Variants in TERF2 observed in about 807,000 individuals in gnomAD.
TERF2 encodes the protein telomeric repeat binding factor 2, also known as telomeric repeat-binding factor 2.
TERF2 carries 16 observed loss-of-function variants against 56.1 expected under a neutral mutation model. That is an observed-to-expected ratio of 0.29 (90% CI 0.19 to 0.43). The LOEUF (loss-of-function observed/expected upper bound fraction) is 0.43, where lower values mean the gene tolerates loss of function less well. Ranked by LOEUF, TERF2 falls within the 20% of genes least tolerant of loss-of-function variation. The pLI, the probability that TERF2 is intolerant of heterozygous loss-of-function variation, is 1.00. For missense variants in TERF2, 547 were observed against 712.9 expected (o/e 0.77, Z 2.65); for synonymous variants, 296 against 282.1 (o/e 1.05, Z -0.50).
At chr16:69,357,316 T>C (rs1426775326) in intron 9 of TERF2, among the ~76,000 whole-genome samples, 2 of 152,238 alleles carry the variant, frequency 1.3e-5, no homozygotes, top group African/African-American at 4.8e-5. Flanking sequence ...ACATCATTCA[T>C]GTTCCGGAAA....
chr16:69,366,910 T>C lies in TERF2; in HGVS notation c.1237A>G (p.Thr413Ala), dbSNP rs777112431. Reference protein sequence around the residue: ...RLVLEEDSQSTEPSAGLNSSQ... With the variant: ...RLVLEEDSQSAEPSAGLNSSQ... ...GAGTTGAGGCCTGCGCTGGGCTCAG[T>C]ACTCTGGCTGTCCTCCTCCAAGACC... The change falls in exon 7 of 10, where the codon ACT becomes GCT. Residue 413 changes from threonine (T) to alanine (A), a missense_variant. Physicochemically the swap from Thr to Ala is moderately conservative, Grantham distance 58. Transcript: ENST00000254942. The C allele has an allele frequency of 3.7e-6, 6 of 1,614,106 alleles. No individual in the cohort carries two copies. Among genetic ancestry groups the C allele is most frequent in the Non-Finnish European group, 3.4e-6 (4 of 1,180,044 alleles).
At chr16:69,385,241 G>A in intron 2 of TERF2, 150 bp downstream of exon 2, 1 of 656,396 alleles carries the variant, frequency 1.5e-6, no homozygotes. Context: ...AGAGCCAGTC[G>A]AGCCAGAAAA....
chr16:69,362,133 G>A (rs917801194), intron 7 of TERF2, among the ~76,000 whole-genome samples: 2 of 151,586 alleles, frequency 1.3e-5, no homozygotes, highest in African/African-American at 4.9e-5. Context: ...CTAACCAACC[G>A]CCCCACGATG....
chr16:69,384,177 G>A (rs560705521), intron 3 of TERF2, among the ~76,000 whole-genome samples: 1 of 152,258 alleles, frequency 6.6e-6, no homozygotes, highest in South Asian at 2.1e-4. Flanking sequence ...CCCTCTTTCT[G>A]CAGACAGAAA....
chr16:69,379,581 T>C (rs1385422899), intron 3 of TERF2, among the ~76,000 whole-genome samples: 1 of 152,230 alleles, frequency 6.6e-6, no homozygotes, highest in African/African-American at 2.4e-5. Context: ...TCAGGATTCT[T>C]TTATATTCTT....
chr16:69,373,184 G>A (rs559707250), intron 3 of TERF2, among the ~76,000 whole-genome samples: 1 of 152,120 alleles, frequency 6.6e-6, no homozygotes, highest in Non-Finnish European at 1.5e-5. Context: ...ATAAACCCCA[G>A]CTGGCAACTT....
chr16:69,381,296 G>A (rs1295979474), intron 3 of TERF2, among the ~76,000 whole-genome samples: 1 of 152,064 alleles, frequency 6.6e-6, no homozygotes, highest in East Asian at 1.9e-4. Context: ...TCATTCTCAA[G>A]AAAATGACTG....
At chr16:69,358,935 G>A (rs566139607) in intron 8 of TERF2, among the ~76,000 whole-genome samples, 9 of 152,074 alleles carry the variant, frequency 5.9e-5, no homozygotes, top group Admixed American at 1.3e-4. Context: ...CTATTTTTCC[G>A]CTACAAACCT....
chr16:69,366,737 C>G, intron 7 of TERF2, 70 bp downstream of exon 7: 1 of 1,511,734 alleles, frequency 6.6e-7, no homozygotes. Flanking sequence ...ACTTCATTCA[C>G]GGAAGTAATA....
intron 5 of TERF2, among the ~76,000 whole-genome samples, chr16:69,369,234 A>G (rs1346507036): frequency 6.7e-6 from 1 of 149,430 alleles, no homozygotes; most frequent in Non-Finnish European, 1.5e-5. Context: ...CCTGCTTATA[A>G]ATAATCTGAG....
At chr16:69,359,983 C>T (rs1241721582) in intron 8 of TERF2, among the ~76,000 whole-genome samples, 1 of 151,452 alleles carries the variant, frequency 6.6e-6, no homozygotes, top group African/African-American at 2.4e-5. Context: ...AGCTGGTCTC[C>T]AACCCCTGAG....
At chr16:69,375,001 CT>C (rs1011752345) in intron 3 of TERF2, among the ~76,000 whole-genome samples, 5 of 151,380 alleles carry the variant, frequency 3.3e-5, no homozygotes, top group African/African-American at 4.9e-5. Flanking sequence ...GTGTGTAGGA[CT>C]TTTTTTTTAA....
rs2013385653 is a variant in TERF2 at position 69,367,208 on chromosome 16, C to G, written c.948-9G>C. On this transcript the variant is annotated splice_polypyrimidine_tract_variant and intron_variant, in intron 6 of 9. Transcript: ENST00000254942. The stretch of plus-strand genomic sequence containing the variant: ...GAGGATTCCGTAGCTGCCTGCAAAT[C>G]AAGCATAGGCACAAAGATGTTTTTC... 3 of 1,590,792 alleles carry G rather than the reference C, an allele frequency of 1.9e-6. No individual in the cohort carries two copies. Among genetic ancestry groups the G allele is most frequent in the Non-Finnish European group, 2.6e-6 (3 of 1,165,950 alleles).
chr16:69,377,231 G>A (rs1380045480), intron 3 of TERF2, among the ~76,000 whole-genome samples: 2 of 151,696 alleles, frequency 1.3e-5, no homozygotes, highest in African/African-American at 4.8e-5. Flanking sequence ...AAATCCTGTT[G>A]AGATTGTGAC....
In TERF2 at chr16:69,356,161, G is replaced by C. The variant is rs1597235914; in HGVS notation, c.*737C>G. 1 of 453,580 alleles carries C rather than the reference G, an allele frequency of 2.2e-6. No homozygotes were observed. The highest frequency in any genetic ancestry group is 3.3e-4 in the Middle Eastern group (1 of 3,060). 28.1% of individuals were successfully genotyped at this position (453,580 alleles called of 1,614,324 possible). ...ACTAAGTTCCTTTGCATTTGCATCA[G>C]AAGGCCAGAACTTGACGTGGAACAA... On this transcript the variant is annotated 3_prime_UTR_variant, in exon 10 of 10. Transcript: ENST00000254942.
intron 8 of TERF2, among the ~76,000 whole-genome samples, chr16:69,357,991 C>T (rs2012977394): frequency 6.6e-6 from 1 of 150,584 alleles, no homozygotes; most frequent in Non-Finnish European, 1.5e-5. Context: ...TACAGGCGCC[C>T]GCCACCACGC....
chr16:69,374,516 G>A (rs1315502370), intron 3 of TERF2, among the ~76,000 whole-genome samples: 1 of 151,444 alleles, frequency 6.6e-6, no homozygotes, highest in African/African-American at 2.4e-5. Context: ...TAGCTACTCG[G>A]GAGGCAGAGG....
intron 6 of TERF2, 121 bp from the exon 7 acceptor site, chr16:69,367,320 T>G (rs552568903): frequency 6.8e-6 from 7 of 1,029,282 alleles, no homozygotes; most frequent in Admixed American, 2.8e-5. Context: ...AAATGTGATA[T>G]GTAAGTTGTA....
intron 7 of TERF2, chr16:69,366,592 C>G: frequency 3.5e-6 from 2 of 566,162 alleles, no homozygotes; most frequent in South Asian, 3.0e-5. Context: ...CCCACTCATG[C>G]CCTAGTGCAA....
Sources: gnomAD v4.1 joint callset for allele counts (sites outside exome capture counted in the v4.1 genomes callset) on GRCh38, gnomAD v4.1.1 for gene constraint, MANE v1.5 for transcripts, NCBI Gene and HGNC (gene_info 2026-07-23, HGNC 2026-07-21) for gene names.